Variants in ADGRA3 observed in about 807,000 individuals in gnomAD.
The protein encoded by ADGRA3 is adhesion G protein-coupled receptor A3.
Under a neutral mutation model 119.8 loss-of-function variants are expected in ADGRA3, and 56 were observed. That is an observed-to-expected ratio of 0.47 (90% confidence interval 0.38 to 0.58). The LOEUF is 0.58. Ranked by LOEUF, ADGRA3 falls within the 20% of genes least tolerant of loss-of-function variation. ADGRA3 has a pLI of 0.00. For missense variants in ADGRA3, 1,516 were observed against 1,649.0 expected (o/e 0.92, Z 1.40); for synonymous variants, 607 against 623.8 (o/e 0.97, Z 0.40).
At position 22,413,859 on chromosome 4, in the gene ADGRA3, A is replaced by G. The variant is rs529276517; in HGVS notation, c.1810-45T>C. 5.4e-6 allele frequency: 7 copies of G among 1,304,990 alleles called. No individual in the cohort carries two copies. In the East Asian group the frequency reaches 1.7e-4, roughly 32 times the overall value. The allele number at this position is 1,304,990 out of a possible 1,614,324, so 80.8% of individuals were successfully genotyped here. On this transcript the variant is annotated intron_variant, in intron 12 of 18. Transcript: ENST00000334304. Reference sequence around the variant, plus strand: ...TAAAAAAAGCTCACTACATTAGTACATAGAAACCAGAAAAAAATATGTCAG... The same window carrying G: ...TAAAAAAAGCTCACTACATTAGTACGTAGAAACCAGAAAAAAATATGTCAG...
At chr4:22,509,224 C>A (rs1055979954) in intron 1 of ADGRA3, among the ~76,000 whole-genome samples, 3 of 151,912 alleles carry the variant, frequency 2.0e-5, no homozygotes, top group Admixed American at 6.6e-5. Flanking sequence ...AGTTCACAGC[C>A]GGGAGTGGTG....
At chr4:22,417,395 AG>A (rs1715472271) in intron 12 of ADGRA3, among the ~76,000 whole-genome samples, 1 of 151,994 alleles carries the variant, frequency 6.6e-6, no homozygotes, top group African/African-American at 2.4e-5. Flanking sequence ...GCAACAAAAC[AG>A]TAAGAGCTAA....
intron 16 of ADGRA3, among the ~76,000 whole-genome samples, chr4:22,399,143 T>G (rs1714500197): frequency 6.6e-6 from 1 of 152,192 alleles, no homozygotes; most frequent in Non-Finnish European, 1.5e-5. Context: ...ACACATGTGC[T>G]GAACCCGTGT....
At chr4:22,424,791 G>A (rs1048225409) in intron 10 of ADGRA3, among the ~76,000 whole-genome samples, 1 of 152,196 alleles carries the variant, frequency 6.6e-6, no homozygotes, top group Non-Finnish European at 1.5e-5. Flanking sequence ...CACACCGCCA[G>A]CAGGGCGTGG....
At chr4:22,454,430 G>A (rs1717171915) in intron 4 of ADGRA3, among the ~76,000 whole-genome samples, 2 of 152,124 alleles carry the variant, frequency 1.3e-5, no homozygotes, top group Admixed American at 1.3e-4. Flanking sequence ...CCTTCCCCTT[G>A]ACAAATGGCC....
intron 3 of ADGRA3, among the ~76,000 whole-genome samples, chr4:22,457,471 G>A (rs1334026915): frequency 6.6e-6 from 1 of 152,108 alleles, no homozygotes; most frequent in Admixed American, 6.5e-5. Flanking sequence ...TCTTCAGCTT[G>A]CAAGCTGTGT....
At chr4:22,449,659 C>T (rs949384022) in intron 4 of ADGRA3, among the ~76,000 whole-genome samples, 3 of 151,908 alleles carry the variant, frequency 2.0e-5, no homozygotes, top group Non-Finnish European at 2.9e-5. Context: ...CCAGCCTGGC[C>T]AACAGGTGAA....
At chr4:22,513,533 T>TG (rs746392231) in intron 1 of ADGRA3, among the ~76,000 whole-genome samples, 1 of 151,288 alleles carries the variant, frequency 6.6e-6, no homozygotes, top group African/African-American at 2.4e-5. Flanking sequence ...TTTTTTTGAA[T>TG]GGGAGTCTCA....
chr4:22,392,027 C>A (rs554658611), intron 17 of ADGRA3, among the ~76,000 whole-genome samples: 1 of 152,324 alleles, frequency 6.6e-6, no homozygotes, highest in East Asian at 1.9e-4. Flanking sequence ...AAATCCCTGG[C>A]CCAGGGCCAG....
intron 1 of ADGRA3, among the ~76,000 whole-genome samples, chr4:22,491,201 G>C (rs543106927): frequency 2.6e-5 from 4 of 152,272 alleles, no homozygotes; most frequent in African/African-American, 7.2e-5. Flanking sequence ...TAAATGTAAG[G>C]CTGTTAAAAT....
chr4:22,454,948 G>A lies in ADGRA3; in HGVS notation c.402-11C>T. 6.2e-7 allele frequency: 1 copy of A among 1,605,622 alleles called. No homozygotes were observed. Among genetic ancestry groups the A allele is most frequent in the Non-Finnish European group, 8.5e-7 (1 of 1,172,396 alleles). On this transcript the variant is annotated splice_polypyrimidine_tract_variant and intron_variant, in intron 3 of 18. Coordinates refer to ENST00000334304, the MANE Select transcript of ADGRA3 (RefSeq NM_145290.4). ...TTGTTTGTCAGATCCCTAAGGAGAAGGGTGGAAAAGTGTCTTCAATTAGTT... is the reference window on the plus strand; with the variant it reads ...TTGTTTGTCAGATCCCTAAGGAGAAAGGTGGAAAAGTGTCTTCAATTAGTT...
chr4:22,388,786 A>C lies in ADGRA3; in HGVS notation c.2885T>G (p.Leu962Trp). The change falls in exon 19 of 19, where the codon TTG becomes TGG. Residue 962 changes from leucine (L) to tryptophan (W), a missense_variant. Transcript: ENST00000334304. The part of the protein sequence containing the change: ...LKEPTEEQQR[L>W]AANENGEINH... ...TATTTCGCCATTTTCATTGGCTGCCAATCTCTGTTGCTCCTCCGTGGGCTC... is the reference window on the plus strand; with the variant it reads ...TATTTCGCCATTTTCATTGGCTGCCCATCTCTGTTGCTCCTCCGTGGGCTC... 1 of 1,614,098 alleles carries C rather than the reference A, an allele frequency of 6.2e-7. No individual in the cohort carries two copies.
intron 2 of ADGRA3, among the ~76,000 whole-genome samples, chr4:22,464,993 C>A (rs1003545553): frequency 7.9e-5 from 12 of 152,114 alleles, no homozygotes; most frequent in African/African-American, 2.4e-4. Flanking sequence ...GTGAACCAGC[C>A]GGTACCCAGG....
chr4:22,514,832 C>A (rs1183929117), intron 1 of ADGRA3, among the ~76,000 whole-genome samples: 16 of 152,044 alleles, frequency 1.1e-4, no homozygotes, highest in Non-Finnish European at 5.9e-5. Context: ...AAACTCAATC[C>A]GAAAATCAAA....
chr4:22,433,795 A>G (rs1716281124), intron 10 of ADGRA3, among the ~76,000 whole-genome samples: 1 of 152,304 alleles, frequency 6.6e-6, no homozygotes, highest in East Asian at 1.9e-4. Flanking sequence ...TTAAGCAACA[A>G]TGGAGCACAA....
At chr4:22,451,637 C>T (rs964549) in intron 4 of ADGRA3, among the ~76,000 whole-genome samples, 104,782 of 151,918 alleles carry the variant, frequency 0.69, 38,720 homozygotes, top group Non-Finnish European at 0.83. Context: ...TATTAAATTT[C>T]CAAAGCCAAG....
At chr4:22,504,917 A>G (rs1342114684) in intron 1 of ADGRA3, among the ~76,000 whole-genome samples, 1 of 152,140 alleles carries the variant, frequency 6.6e-6, no homozygotes, top group African/African-American at 2.4e-5. Context: ...TCTGTGGTCC[A>G]AGCATCTGAA....
chr4:22,394,258 T>C (rs756119040), intron 16 of ADGRA3: 7 of 152,160 alleles, frequency 4.6e-5, no homozygotes, highest in Non-Finnish European at 7.3e-5. Context: ...CAGCAAACAC[T>C]TGGTGACCTG....
At chr4:22,463,306 A>G (rs1363848364) in intron 2 of ADGRA3, among the ~76,000 whole-genome samples, 2 of 152,220 alleles carry the variant, frequency 1.3e-5, no homozygotes, top group Non-Finnish European at 2.9e-5. Context: ...CAGTACCTCC[A>G]GGGTTCCTTA....
Sources: gnomAD v4.1 joint callset for allele counts (sites outside exome capture counted in the v4.1 genomes callset) on GRCh38, gnomAD v4.1.1 for gene constraint, MANE v1.5 for transcripts, NCBI Gene and HGNC (gene_info 2026-07-23, HGNC 2026-07-21) for gene names.